RFC3: variants seen among roughly 807,000 people sequenced by gnomAD.
The protein encoded by RFC3 is A1 38 kDa subunit.
RFC3 carries 41 observed loss-of-function variants against 45.1 expected under a neutral mutation model. The ratio of observed to expected loss-of-function variants is 0.91; its 90% CI spans 0.71 to 1.18. RFC3 has a LOEUF of 1.18. Among genes scored for constraint, RFC3 ranks in the 50% most tolerant of loss-of-function variants. RFC3 has a pLI of 0.00. For synonymous variants in RFC3, 149 were observed against 144.0 expected, an observed-to-expected ratio of 1.03 and a Z score of -0.25; for missense variants, 423 against 428.1, an observed-to-expected ratio of 0.99 and a Z score of 0.10.
intron 5 of RFC3, among the ~76,000 whole-genome samples, 168 bp downstream of exon 5, chr13:33,830,185 A>G (rs1485414551): frequency 6.6e-6 from 1 of 152,238 alleles, no homozygotes; most frequent in Non-Finnish European, 1.5e-5. Flanking sequence ...TAAATACCAG[A>G]TGCCAATATA....
intron 8 of RFC3, among the ~76,000 whole-genome samples, chr13:33,930,590 G>T (rs1327970571): frequency 6.6e-6 from 1 of 151,934 alleles, no homozygotes; most frequent in Non-Finnish European, 1.5e-5. Context: ...ATCTCCTTTG[G>T]CAACACCCTC....
intron 8 of RFC3, among the ~76,000 whole-genome samples, chr13:33,936,407 C>T (rs1453466230): frequency 6.6e-6 from 1 of 151,972 alleles, no homozygotes; most frequent in Non-Finnish European, 1.5e-5. Flanking sequence ...TTTTGTACCC[C>T]CCAAAATACA....
At chr13:33,951,039 C>CTTTTTT (rs926664684) in intron 8 of RFC3, among the ~76,000 whole-genome samples, 37 of 60,808 alleles carry the variant, frequency 6.1e-4, no homozygotes, top group African/African-American at 1.0e-3. Context: ...TCTGATGGCT[C>CTTTTTT]TTTTTTTTTT....
At chr13:33,902,657 T>C (rs1471001904) in intron 8 of RFC3, among the ~76,000 whole-genome samples, 1 of 152,044 alleles carries the variant, frequency 6.6e-6, no homozygotes. Context: ...CTCTTCTTAA[T>C]TGCTGTTGAC....
In RFC3 at chr13:33,896,427, G is replaced by T. The variant is rs139287245; in HGVS notation, c.879+61210G>T. 7.7e-3 allele frequency among the ~76,000 whole-genome samples: 1,169 copies of T among 151,856 alleles called. 14 individuals carry two copies. The highest frequency in any genetic ancestry group is 0.027 in the African/African-American group (1,106 of 41,472). Reference sequence around the variant, plus strand: ...AGAGAGGATAGTAAAAGCAGCAAAAGAAAATAAGTAATTTGGTCAGGTTTG... The same window carrying T: ...AGAGAGGATAGTAAAAGCAGCAAAATAAAATAAGTAATTTGGTCAGGTTTG... On this transcript the variant is annotated intron_variant, in intron 8 of 8. Coordinates refer to the RFC3 transcript ENST00000434425.
chr13:33,939,938 T>C (rs2082912830), intron 8 of RFC3, among the ~76,000 whole-genome samples: 1 of 152,204 alleles, frequency 6.6e-6, no homozygotes, highest in Non-Finnish European at 1.5e-5. Context: ...ATTTCTGTTA[T>C]CAGCAATTTA....
chr13:33,872,561 C>T (rs1054532069), intron 8 of RFC3, among the ~76,000 whole-genome samples: 28 of 152,214 alleles, frequency 1.8e-4, no homozygotes, highest in Non-Finnish European at 1.6e-4. Context: ...TGGAGAAACC[C>T]CGTCTCTACT....
intron 8 of RFC3, among the ~76,000 whole-genome samples, chr13:33,879,074 C>A (rs1366483572): frequency 6.6e-6 from 1 of 152,106 alleles, no homozygotes; most frequent in South Asian, 2.1e-4. Context: ...AATTTCTTCC[C>A]ATCCCAAATA....
chr13:33,966,020 C>G (rs1386721981), intron 8 of RFC3: 1 of 1,143,892 alleles, frequency 8.7e-7, no homozygotes, highest in East Asian at 2.3e-5. Flanking sequence ...TTTGTATCCT[C>G]TATGGAATCT....
chr13:33,866,920 G>A (rs1162872977), intron 8 of RFC3, among the ~76,000 whole-genome samples: 1 of 152,066 alleles, frequency 6.6e-6, no homozygotes, highest in South Asian at 2.1e-4. Context: ...ATTCATTCTT[G>A]TACATATGTG....
chr13:33,860,049 G>A (rs2082331201), intron 8 of RFC3, among the ~76,000 whole-genome samples: 1 of 152,108 alleles, frequency 6.6e-6, no homozygotes, highest in Admixed American at 6.5e-5. Context: ...ACCATGTGAG[G>A]ACACAGCTTG....
intron 8 of RFC3, among the ~76,000 whole-genome samples, chr13:33,949,490 G>A (rs1340388211): frequency 6.6e-6 from 1 of 152,146 alleles, no homozygotes; most frequent in African/African-American, 2.4e-5. Flanking sequence ...AATAACAATA[G>A]TTTATGTATT....
intron 8 of RFC3, among the ~76,000 whole-genome samples, chr13:33,904,285 T>C (rs866564565): frequency 6.6e-6 from 1 of 152,090 alleles, no homozygotes; most frequent in South Asian, 2.1e-4. Flanking sequence ...AATCAGTTGT[T>C]CTGCCTGACT....
chr13:33,890,942 C>G (rs528484665), intron 8 of RFC3, among the ~76,000 whole-genome samples: 1 of 152,232 alleles, frequency 6.6e-6, no homozygotes, highest in East Asian at 1.9e-4. Flanking sequence ...AATGTCATAG[C>G]TAGGAGACAG....
At chr13:33,887,057 C>T (rs1667131849) in intron 8 of RFC3, among the ~76,000 whole-genome samples, 1 of 145,760 alleles carries the variant, frequency 6.9e-6, no homozygotes. Context: ...GGGTTGGTTC[C>T]AAGTCTTTGC....
chr13:33,830,579 G>T, intron 5 of RFC3, 140 bp from the exon 6 acceptor site: 1 of 561,038 alleles, frequency 1.8e-6, no homozygotes. Context: ...GATGCAGAGT[G>T]GTAAGTTACT....
downstream of RFC3, among the ~76,000 whole-genome samples, chr13:33,838,237 A>G (rs2183280): frequency 0.14 from 20,696 of 152,120 alleles, 1,863 homozygotes; most frequent in South Asian, 0.31. Context: ...TGTGTATGAA[A>G]TGCCCTTTTT....
chr13:33,973,801 C>T, the RFC3 span, among the ~76,000 whole-genome samples: 2 of 152,026 alleles, frequency 1.3e-5, no homozygotes, highest in African/African-American at 2.4e-5. Context: ...CAGGAATGCA[C>T]CATCACGCCT....
chr13:33,955,655 A>G (rs891718386), intron 8 of RFC3, among the ~76,000 whole-genome samples: 1 of 152,248 alleles, frequency 6.6e-6, no homozygotes, highest in Non-Finnish European at 1.5e-5. Flanking sequence ...CAATTTAAAC[A>G]TAAGAAAGTG....
Sources: allele counts gnomAD v4.1 joint callset (sites outside exome capture counted in the v4.1 genomes callset), GRCh38; gene constraint gnomAD v4.1.1; transcripts MANE v1.5; gene names NCBI Gene and HGNC (gene_info 2026-07-23, HGNC 2026-07-21).